Variants in ARID2 observed in about 807,000 individuals in gnomAD.
The protein encoded by ARID2 is AT-rich interaction domain 2.
In ARID2, 32 loss-of-function variants were observed where a neutral mutation model predicts 184.6. The ratio of observed to expected loss-of-function variants is 0.17; its 90% CI spans 0.13 to 0.23. The LOEUF (loss-of-function observed/expected upper bound fraction) is 0.23, where lower values mean the gene tolerates loss of function less well. Ranked by LOEUF, ARID2 falls within the 10% of genes least tolerant of loss-of-function variation. The pLI is 1.00. For synonymous variants in ARID2, 836 were observed against 772.6 expected, an observed-to-expected ratio of 1.08 and a Z score of -1.36; for missense variants, 1,696 against 2,197.6, an observed-to-expected ratio of 0.77 and a Z score of 4.56.
In ARID2 at chr12:45,730,145, GA is replaced by G; in HGVS notation, c.186+10del. ...TTAGGCGGATTCGCGAAGGTGAGTG[GA>G]AGTTTTAATTTGTATTTCCCTCTCG... On this transcript the variant is annotated intron_variant, in intron 2 of 20. Coordinates refer to ENST00000334344, the MANE Select transcript of ARID2 (RefSeq NM_152641.4). The G allele has an allele frequency of 6.2e-7, 1 of 1,612,078 alleles. No individual in the cohort carries two copies. The highest frequency in any genetic ancestry group is 1.1e-5 in the South Asian group (1 of 90,942).
At chr12:45,765,168 A>G (rs1035760379) in intron 3 of ARID2, among the ~76,000 whole-genome samples, 5 of 152,040 alleles carry the variant, frequency 3.3e-5, no homozygotes, top group Admixed American at 6.6e-5. Context: ...GTAACTAAGT[A>G]TTTGATCTCA....
intron 3 of ARID2, among the ~76,000 whole-genome samples, chr12:45,774,269 G>A (rs549592753): frequency 2.8e-4 from 42 of 151,914 alleles, no homozygotes; most frequent in Non-Finnish European, 4.9e-4. Context: ...CAGGTTTTTA[G>A]TTAACCTAAT....
At chr12:45,846,384 A>G (rs958905676) in intron 11 of ARID2, among the ~76,000 whole-genome samples, 4 of 152,294 alleles carry the variant, frequency 2.6e-5, no homozygotes, top group Non-Finnish European at 4.4e-5. Flanking sequence ...GAGTGAAGCC[A>G]TAATTTCAGC....
intron 3 of ARID2, among the ~76,000 whole-genome samples, chr12:45,732,734 A>G (rs553164986): frequency 1.3e-5 from 2 of 152,266 alleles, no homozygotes; most frequent in East Asian, 3.9e-4. Context: ...TTTGAAATAC[A>G]TATTTTTGAA....
chr12:45,861,649 A>G (rs1414811557), intron 16 of ARID2, among the ~76,000 whole-genome samples: 4 of 132,222 alleles, frequency 3.0e-5, no homozygotes, highest in Non-Finnish European at 4.6e-5. Flanking sequence ...CAGTGGCGCT[A>G]TCTCCACTCA....
intron 15 of ARID2, among the ~76,000 whole-genome samples, chr12:45,857,581 A>C (rs1943672346): frequency 1.3e-5 from 2 of 152,212 alleles, no homozygotes; most frequent in African/African-American, 2.4e-5. Flanking sequence ...GAAAATGAGG[A>C]AATGTTAGAG....
intron 15 of ARID2, 144 bp downstream of exon 15, chr12:45,853,040 C>G: frequency 7.9e-7 from 1 of 1,272,722 alleles, no homozygotes; most frequent in Non-Finnish European, 1.0e-6. Flanking sequence ...TTTTCTTTTT[C>G]TCTGGTTTTG....
intron 3 of ARID2, chr12:45,776,026 T>G (rs1320572476): frequency 4.2e-5 from 7 of 167,758 alleles, no homozygotes; most frequent in Non-Finnish European, 7.3e-5. Flanking sequence ...TTACATATAT[T>G]TAGATATGTG....
At chr12:45,836,452 G>A in intron 6 of ARID2, 137 bp from the exon 7 acceptor site, 2 of 742,300 alleles carry the variant, frequency 2.7e-6, no homozygotes, top group Non-Finnish European at 4.2e-6. Flanking sequence ...CCAGCTGCAA[G>A]TAATCCTCCC....
At chr12:45,863,785 A>G (rs1943789483) in intron 16 of ARID2, among the ~76,000 whole-genome samples, 1 of 150,130 alleles carries the variant, frequency 6.7e-6, no homozygotes, top group African/African-American at 2.5e-5. Context: ...TTGGCACCAC[A>G]CTTTATGTAG....
At chr12:45,837,049 A>G (rs1052095349) in intron 8 of ARID2, 58 bp downstream of exon 8, 4 of 1,557,492 alleles carry the variant, frequency 2.6e-6, no homozygotes, top group Admixed American at 3.9e-5. Flanking sequence ...TTATGTTACA[A>G]TTTTAGGATG....
At chr12:45,845,973 T>G (rs1268972086) in intron 11 of ARID2, 1 of 152,184 alleles carries the variant, frequency 6.6e-6, no homozygotes, top group Non-Finnish European at 1.5e-5. Context: ...ACTTTATACT[T>G]TTCATGTTTT....
rs775003909 is a variant in ARID2 at position 45,893,643 on chromosome 12, G to A, written c.5285G>A (p.Gly1762Glu). The A allele has an allele frequency of 6.2e-7, 1 of 1,603,722 alleles. No individual in the cohort carries two copies. The highest frequency in any genetic ancestry group is 8.5e-7 in the Non-Finnish European group (1 of 1,177,300). The change falls in exon 20 of 21, where the codon GGA becomes GAA. Residue 1762 changes from glycine to glutamate, a missense_variant. Physicochemically the swap from Gly to Glu is moderately conservative, Grantham distance 98. This residue lies in a region of ARID2 where 69 missense variants were observed against 118.2 expected (regional missense o/e 0.58). Transcript: ENST00000334344. ...TTTCTTTTTAAGGATGAAAAAGAGG[G>A]ACCAATAACTAAACACATCCGACTA... The part of the protein sequence containing the change: ...VFRDFTDEKE[G>E]PITKHIRLTA...
rs1156971020 is a variant in ARID2, at chr12:45,905,940, CTTTTTTTTTTTCT to C, written c.*873_*885del. On this transcript the variant is annotated 3_prime_UTR_variant, in exon 21 of 21. Transcript: ENST00000334344. ...GAACTGTGATTTTTTTTTCTTTTTTCTTTTTTTTTTTCTTTTTTTTTTTGTATTATACACCTTG... is the reference window on the plus strand; with the variant it reads ...GAACTGTGATTTTTTTTTCTTTTTTCTTTTTTTTTTGTATTATACACCTTG... 1.4e-4 allele frequency: 25 copies of C among 179,096 alleles called. No homozygotes were observed. The highest frequency in any genetic ancestry group is 6.4e-4 in the African/African-American group (23 of 36,136). 11.1% of individuals were successfully genotyped at this position (179,096 alleles called of 1,614,324 possible).
chr12:45,799,168 A>G (rs1165424444), intron 3 of ARID2, among the ~76,000 whole-genome samples: 2 of 152,094 alleles, frequency 1.3e-5, no homozygotes, highest in Admixed American at 6.6e-5. Context: ...GGATAGCAAT[A>G]TGTGTCTGCT....
Position 45,730,046 on chromosome 12 carries a change from C to T in ARID2, c.95C>T (p.Ser32Leu), listed in dbSNP as rs1261085081. ...GCGGGGCTTTTTCTCTCCCGCAGGT[C>T]GCCTTTTAAAAAAATCCCTGCGGTG... ...ELRQFHHSRGSPFKKIPAVGG... is the reference protein window; with the variant it reads ...ELRQFHHSRGLPFKKIPAVGG... The change falls in exon 2 of 21, where the codon TCG (serine) becomes TTG (leucine). Residue 32 changes from serine (S) to leucine (L), a missense_variant and splice_region_variant. Transcript: ENST00000334344. The T allele has an allele frequency of 6.2e-7, 1 of 1,613,100 alleles. No homozygotes were observed. The highest frequency in any genetic ancestry group is 8.5e-7 in the Non-Finnish European group (1 of 1,179,696).
intron 4 of ARID2, among the ~76,000 whole-genome samples, chr12:45,812,429 A>G (rs1248390008): frequency 2.6e-5 from 4 of 152,054 alleles, no homozygotes; most frequent in South Asian, 4.1e-4. Flanking sequence ...ATTTGACTTC[A>G]TATTTCTTCC....
chr12:45,787,295 A>G (rs1279527337), intron 3 of ARID2, among the ~76,000 whole-genome samples: 1 of 150,572 alleles, frequency 6.6e-6, no homozygotes, highest in Non-Finnish European at 1.5e-5. Context: ...GCGGCTCACT[A>G]TAGCCTCGAC....
At chr12:45,749,838 C>G (rs1280533244) in intron 3 of ARID2, among the ~76,000 whole-genome samples, 1 of 152,186 alleles carries the variant, frequency 6.6e-6, no homozygotes, top group Non-Finnish European at 1.5e-5. Context: ...TCTCAGTCTT[C>G]CTTGAATTGA....
Sources: gnomAD v4.1 joint callset for allele counts (sites outside exome capture counted in the v4.1 genomes callset) on GRCh38, gnomAD v4.1.1 for gene constraint, gnomAD v4.1.1 regional missense constraint, MANE v1.5 for transcripts, NCBI Gene and HGNC (gene_info 2026-07-23, HGNC 2026-07-21) for gene names.